The following SNX25 variants were observed in gnomAD, a reference collection of about 807,000 sequenced individuals.
SNX25 encodes sorting nexin 25.
A neutral mutation model predicts 113.7 loss-of-function variants in SNX25; 62 were observed. The observed-to-expected ratio is 0.55, with a 90% CI of 0.44 to 0.67. The LOEUF (loss-of-function observed/expected upper bound fraction) is 0.67, where lower values mean the gene tolerates loss of function less well. Among genes scored for constraint, SNX25 ranks in the 30% least tolerant of loss-of-function variants. The probability of loss-of-function intolerance (pLI) is 0.00; values close to 1 mark genes in which losing one functional copy is unlikely to be tolerated. For missense variants in SNX25, 1,014 were observed against 1,161.0 expected, an observed-to-expected ratio of 0.87 and a Z score of 1.84; for synonymous variants, 421 against 436.2, an observed-to-expected ratio of 0.97 and a Z score of 0.43.
intron 5 of SNX25, among the ~76,000 whole-genome samples, chr4:185,270,515 C>T (rs902202445): frequency 6.6e-6 from 1 of 152,190 alleles, no homozygotes; most frequent in African/African-American, 2.4e-5. Flanking sequence ...CTGAAGAATA[C>T]CTTTTGAAAA....
chr4:185,298,351 AG>A (rs1753144788), intron 6 of SNX25, among the ~76,000 whole-genome samples: 1 of 151,974 alleles, frequency 6.6e-6, no homozygotes, highest in African/African-American at 2.4e-5. Context: ...GGCCTCCCAA[AG>A]TGTTCGGATT....
chr4:185,322,098 A>G (rs1272366158), intron 8 of SNX25, among the ~76,000 whole-genome samples: 1 of 152,204 alleles, frequency 6.6e-6, no homozygotes, highest in Non-Finnish European at 1.5e-5. Context: ...AACATGTGAC[A>G]TATGTGATCA....
chr4:185,328,852 G>C (rs1188767447), intron 9 of SNX25, among the ~76,000 whole-genome samples: 4 of 152,160 alleles, frequency 2.6e-5, no homozygotes, highest in Non-Finnish European at 5.9e-5. Context: ...TAGAGAAGGA[G>C]GAGGAGCAGG....
intron 5 of SNX25, among the ~76,000 whole-genome samples, chr4:185,271,068 C>T (rs1748856918): frequency 6.6e-6 from 1 of 152,174 alleles, no homozygotes; most frequent in Non-Finnish European, 1.5e-5. Context: ...GTATGGCCTC[C>T]TGCCACAGCG....
At chr4:185,346,893 AC>A (rs1381626370) in intron 13 of SNX25, among the ~76,000 whole-genome samples, 4 of 152,220 alleles carry the variant, frequency 2.6e-5, no homozygotes, top group Admixed American at 6.5e-5. Context: ...AGTCCAATGC[AC>A]TGGTTATCAC....
At chr4:185,264,368 T>C in intron 3 of SNX25, 70 bp from the exon 4 acceptor site, 1 of 1,395,748 alleles carries the variant, frequency 7.2e-7, no homozygotes, top group Non-Finnish European at 9.8e-7. Flanking sequence ...TGAAATATTT[T>C]TTACCTAATA....
Position 185,252,385 on chromosome 4 carries a change from A to G in SNX25, c.514+5007A>G, listed in dbSNP as rs182854592. Among the ~76,000 whole-genome samples the G allele has an allele frequency of 5.3e-5, 8 of 152,322 alleles. 1 individual carries two copies. The East Asian group carries it at 9.6e-4, about 18-fold the overall frequency. ...ATTCAGAATGTTATTAACTAGCTAT[A>G]ATAGATTTAATATTAATCAAATTGA... On this transcript the variant is annotated intron_variant, in intron 2 of 18. Coordinates refer to ENST00000652585, the MANE Select transcript of SNX25 (RefSeq NM_001378034.2).
intron 5 of SNX25, among the ~76,000 whole-genome samples, chr4:185,272,852 C>T (rs1446965612): frequency 6.6e-6 from 1 of 152,198 alleles, no homozygotes; most frequent in Admixed American, 6.5e-5. Context: ...GGTGTTTTCT[C>T]ACTGACCTTC....
chr4:185,278,742 T>C (rs533873762), intron 5 of SNX25, among the ~76,000 whole-genome samples: 80 of 152,208 alleles, frequency 5.3e-4, no homozygotes, highest in Non-Finnish European at 8.4e-4. Flanking sequence ...AAAGGTGATA[T>C]TCAGTAAACA....
intron 7 of SNX25, among the ~76,000 whole-genome samples, chr4:185,315,221 C>G (rs1209762215): frequency 7.3e-6 from 1 of 137,728 alleles, no homozygotes; most frequent in Non-Finnish European, 1.6e-5. Flanking sequence ...GAGCAAGACT[C>G]CATCTCAAAA....
At chr4:185,351,303 G>T in intron 13 of SNX25, 142 bp from the exon 14 acceptor site, 1 of 794,946 alleles carries the variant, frequency 1.3e-6, no homozygotes, top group African/African-American at 1.7e-5. Flanking sequence ...GTTTGTTTCA[G>T]GGGGAAAGGG....
chr4:185,361,157 G>A (rs2095361365), intron 16 of SNX25, among the ~76,000 whole-genome samples: 1 of 152,104 alleles, frequency 6.6e-6, no homozygotes, highest in African/African-American at 2.4e-5. Context: ...CTGGATCCGA[G>A]TATCCTGCCC....
At chr4:185,375,237 G>A in the SNX25 span, among the ~76,000 whole-genome samples, 1 of 150,220 alleles carries the variant, frequency 6.7e-6, no homozygotes, top group Admixed American at 6.6e-5. Flanking sequence ...CACCATGCCT[G>A]GCTAATTTTT....
chr4:185,293,352 T>C (rs1054782446), intron 6 of SNX25, among the ~76,000 whole-genome samples: 1 of 152,226 alleles, frequency 6.6e-6, no homozygotes, highest in African/African-American at 2.4e-5. Flanking sequence ...GCATAATTTA[T>C]AACAGGCAAA....
chr4:185,360,848 G>T (rs1579931389), intron 16 of SNX25, among the ~76,000 whole-genome samples: 2 of 151,848 alleles, frequency 1.3e-5, no homozygotes, highest in South Asian at 2.1e-4. Context: ...GAACCCAGGA[G>T]GCAGAGGTTG....
At chr4:185,369,594 A>G (rs181065679) in intron 11 of SNX25, among the ~76,000 whole-genome samples, 18 of 152,292 alleles carry the variant, frequency 1.2e-4, no homozygotes, top group African/African-American at 3.6e-4. Flanking sequence ...TATTCATGCT[A>G]AGAATGGTGT....
chr4:185,322,445 G>A (rs2095127900), intron 8 of SNX25, among the ~76,000 whole-genome samples: 1 of 152,060 alleles, frequency 6.6e-6, no homozygotes, highest in African/African-American at 2.4e-5. Flanking sequence ...AGGTGGGGGG[G>A]AAGCACCAAG....
rs1579593973 is a variant in SNX25, at chr4:185,279,103, AT to A, written c.1092-8908del. Among the ~76,000 whole-genome samples, 9 of 151,542 alleles carry A rather than the reference AT, an allele frequency of 5.9e-5. No individual in the cohort carries two copies. The East Asian group carries it at 1.7e-3, about 29-fold the overall frequency. ...TGTATAAATACCATTTATACTTAAT[AT>A]ATTTCCAAATTGTATATATATTTTT... On this transcript the variant is annotated intron_variant, in intron 5 of 18. Transcript: ENST00000652585.
chr4:185,230,753 G>C (rs1741720958), intron 1 of SNX25, among the ~76,000 whole-genome samples: 1 of 152,110 alleles, frequency 6.6e-6, no homozygotes, highest in Non-Finnish European at 1.5e-5. Flanking sequence ...CTAAAGTGTA[G>C]TCTGAGGGTT....
Sources: gnomAD v4.1 joint callset for allele counts (sites outside exome capture counted in the v4.1 genomes callset) on GRCh38, gnomAD v4.1.1 for gene constraint, MANE v1.5 for transcripts, NCBI Gene and HGNC (gene_info 2026-07-23, HGNC 2026-07-21) for gene names.